EIF3H: variants seen among roughly 807,000 people sequenced by gnomAD.
EIF3H encodes the protein eIF-3-gamma.
EIF3H carries 26 observed loss-of-function variants against 44.2 expected under a neutral mutation model. The ratio of observed to expected loss-of-function variants is 0.59; its 90% CI spans 0.43 to 0.82. The LOEUF is 0.82. EIF3H is among the 40% of genes least tolerant of loss of function. The pLI is 0.00. For synonymous variants in EIF3H, 166 were observed against 151.9 expected, an observed-to-expected ratio of 1.09 and a Z score of -0.68; for missense variants, 359 against 432.8, an observed-to-expected ratio of 0.83 and a Z score of 1.51.
Position 116,655,954 on chromosome 8 carries a change from A to C in EIF3H, c.609T>G (p.Ile203Met). 1.9e-6 allele frequency: 3 copies of C among 1,613,778 alleles called. No individual in the cohort carries two copies. Among genetic ancestry groups the C allele is most frequent in the Non-Finnish European group, 2.5e-6 (3 of 1,179,768 alleles). ...TFEYMFEEVPIVIKNSHLINV... is the reference protein window; with the variant it reads ...TFEYMFEEVPMVIKNSHLINV... ...TGATCAGATGTGAATTTTTAATTAC[A>C]ATCGGCACTTCTTCAAACATGTACT... Residue 203 changes from isoleucine to methionine, a missense_variant, in exon 5 of 8, where the codon ATT (isoleucine) becomes ATG (methionine). Transcript: ENST00000521861.
At chr8:116,654,795 C>T (rs980094241) in intron 5 of EIF3H, among the ~76,000 whole-genome samples, 1 of 152,116 alleles carries the variant, frequency 6.6e-6, no homozygotes, top group Non-Finnish European at 1.5e-5. Context: ...TGGAAGGCGG[C>T]GCTTCAACCA....
chr8:116,717,441 AAAG>A lies in EIF3H; in HGVS notation c.289+8572_289+8574del, dbSNP rs554063550. Among the ~76,000 whole-genome samples, 15 of 152,322 alleles carry A rather than the reference AAAG, an allele frequency of 9.8e-5. 1 individual carries two copies. In the South Asian group the frequency reaches 2.9e-3, roughly 29 times the overall value. ...AACCAAAAAAGAGCCTTCATGGCCA[AAAG>A]AAGACTAAAGCAAAAATAACAAACC... is the stretch of plus-strand genomic sequence containing the variant. On this transcript the variant is annotated intron_variant, in intron 2 of 7. Coordinates refer to ENST00000521861, the MANE Select transcript of EIF3H (RefSeq NM_003756.3).
intron 1 of EIF3H, among the ~76,000 whole-genome samples, chr8:116,726,444 A>G (rs559372499): frequency 5.3e-5 from 8 of 152,278 alleles, no homozygotes; most frequent in East Asian, 1.9e-4. Flanking sequence ...AAGCTTCCCC[A>G]TGGTCTGGCA....
chr8:116,680,427 C>T lies in EIF3H; in HGVS notation c.290-21447G>A, dbSNP rs1182915764. On this transcript the variant is annotated intron_variant, in intron 2 of 7. Coordinates refer to ENST00000521861, the MANE Select transcript of EIF3H (RefSeq NM_003756.3). ...AAAAATTGAGAAATCGGATGGTTGC[C>T]GGGTCTGTGTGGATAGAAGTAGACA... is the stretch of plus-strand genomic sequence containing the variant. Among the ~76,000 whole-genome samples, 3 of 70,398 alleles carry T rather than the reference C, an allele frequency of 4.3e-5. No individual in the cohort carries two copies. The East Asian group carries it at 1.0e-3, about 24-fold the overall frequency. The allele number at this position is 70,398 out of a possible 152,430, so 46.2% of individuals were successfully genotyped here. A position where few individuals can be genotyped will look rare whatever the true frequency, so the allele number is the denominator to read the frequency against.
chr8:116,734,440 T>C (rs899296197), intron 1 of EIF3H: 1 of 453,368 alleles, frequency 2.2e-6, no homozygotes, highest in Non-Finnish European at 4.4e-6. Flanking sequence ...ATCACACAAG[T>C]TGTATTTTAG....
At chr8:116,747,437 A>C (rs1815256519) in intron 1 of EIF3H, among the ~76,000 whole-genome samples, 1 of 152,246 alleles carries the variant, frequency 6.6e-6, no homozygotes. Flanking sequence ...CTAAAGCAGC[A>C]GAAAATTATG....
rs186377473 is a variant in EIF3H, at chr8:116,676,983, T to A, written c.290-18003A>T. 1.9e-3 allele frequency among the ~76,000 whole-genome samples: 294 copies of A among 152,292 alleles called. 1 individual carries two copies. The highest frequency in any genetic ancestry group is 2.5e-3 in the Non-Finnish European group (169 of 68,032). On this transcript the variant is annotated intron_variant, in intron 2 of 7. Coordinates refer to ENST00000521861, the MANE Select transcript of EIF3H (RefSeq NM_003756.3). ...AAAAAAATTCATATGAATACTGTGATAGCTCTCCTTATGGTATGTAAAAGA... is the reference window on the plus strand; with the variant it reads ...AAAAAAATTCATATGAATACTGTGAAAGCTCTCCTTATGGTATGTAAAAGA...
intron 5 of EIF3H, among the ~76,000 whole-genome samples, chr8:116,653,348 A>AACACACACACACACACACACACACAC (rs771922316): frequency 0.014 from 2,023 of 144,590 alleles, 41 homozygotes; most frequent in Admixed American, 0.044. Context: ...AACAATCAGA[A>AACACACACACACACACACACACACAC]ACACACACAC....
intron 2 of EIF3H, among the ~76,000 whole-genome samples, chr8:116,709,279 C>G (rs1172177897): frequency 6.6e-6 from 1 of 152,046 alleles, no homozygotes. Context: ...ATAAGACAAC[C>G]CTTTGCCCAA....
chr8:116,655,766 G>A, intron 5 of EIF3H, 90 bp downstream of exon 5: 2 of 1,357,662 alleles, frequency 1.5e-6, no homozygotes, highest in East Asian at 2.3e-5. Flanking sequence ...TTAAGTAACT[G>A]TTTTCTTGTT....
At chr8:116,732,656 CATTCAT>C (rs2130939600) in intron 1 of EIF3H, among the ~76,000 whole-genome samples, 1 of 2,526 alleles carries the variant, frequency 4.0e-4, no homozygotes, top group African/African-American at 0.01. Context: ...TTCATTCCCT[CATTCAT>C]TCATTCATTC....
At chr8:116,672,867 G>A (rs1168705327) in intron 2 of EIF3H, among the ~76,000 whole-genome samples, 1 of 151,908 alleles carries the variant, frequency 6.6e-6, no homozygotes, top group Non-Finnish European at 1.5e-5. Flanking sequence ...TTTTATTCCA[G>A]ACAAACAAGA....
At chr8:116,727,147 G>A (rs1814857009) in intron 1 of EIF3H, among the ~76,000 whole-genome samples, 1 of 152,204 alleles carries the variant, frequency 6.6e-6, no homozygotes, top group Admixed American at 6.5e-5. Context: ...GGCACACACA[G>A]GGTGAGCAGC....
chr8:116,764,368 T>C (rs193048003), intron 1 of EIF3H, among the ~76,000 whole-genome samples: 208 of 152,348 alleles, frequency 1.4e-3, no homozygotes, highest in African/African-American at 4.9e-3. Flanking sequence ...TGGCTAAATA[T>C]TGATTTTCCA....
At chr8:116,657,017 C>A (rs1445875438) in intron 4 of EIF3H, among the ~76,000 whole-genome samples, 198 bp downstream of exon 4, 1 of 152,112 alleles carries the variant, frequency 6.6e-6, no homozygotes, top group African/African-American at 2.4e-5. Context: ...TTGGTGAGAA[C>A]AACAGATGAG....
At chr8:116,706,237 T>C (rs563505792) in intron 2 of EIF3H, among the ~76,000 whole-genome samples, 2 of 152,358 alleles carry the variant, frequency 1.3e-5, no homozygotes, top group South Asian at 4.1e-4. Context: ...TAAACTTCTG[T>C]AAGCTCTGAA....
chr8:116,700,399 T>TTTTTC (rs781321360), intron 2 of EIF3H, among the ~76,000 whole-genome samples: 5 of 152,208 alleles, frequency 3.3e-5, no homozygotes, highest in Admixed American at 6.5e-5. Flanking sequence ...TTATAAGATT[T>TTTTTC]TTTTCTTTTC....
chr8:116,714,442 C>T (rs4278180), intron 2 of EIF3H, among the ~76,000 whole-genome samples: 135,218 of 152,096 alleles, frequency 0.89, 60,394 homozygotes, highest in African/African-American at 0.96. Context: ...TTAAAATCTT[C>T]TGAGGCAGTA....
chr8:116,648,797 A>G lies in EIF3H; in HGVS notation c.828+9T>C. 1 of 1,562,088 alleles carries G rather than the reference A, an allele frequency of 6.4e-7. No individual in the cohort carries two copies. The highest frequency in any genetic ancestry group is 8.7e-7 in the Non-Finnish European group (1 of 1,155,600). ...ATAGCTGTTTGTTGAATTTTTCCAC[A>G]ATACCAACCTGATGTTTCTGCTGCT... is the stretch of plus-strand genomic sequence containing the variant. On this transcript the variant is annotated intron_variant, in intron 6 of 7. Transcript: ENST00000521861.
Sources: gnomAD v4.1 joint callset for allele counts (sites outside exome capture counted in the v4.1 genomes callset) on GRCh38, gnomAD v4.1.1 for gene constraint, MANE v1.5 for transcripts, NCBI Gene and HGNC (gene_info 2026-07-23, HGNC 2026-07-21) for gene names.